Variants in UMAD1 observed in about 807,000 individuals in gnomAD.
UMAD1 encodes the protein UBAP1-MVB12-associated (UMA) domain containing 1.
Under a neutral mutation model 6.1 loss-of-function variants are expected in UMAD1, and 8 were observed. That is an observed-to-expected ratio of 1.30 (90% CI 0.76 to 2.35). The LOEUF (loss-of-function observed/expected upper bound fraction) is 2.35, where lower values mean the gene tolerates loss of function less well. UMAD1 is among the 30% of genes most tolerant of loss of function. The pLI is 0.00. For synonymous variants in UMAD1, 56 were observed against 31.4 expected, an observed-to-expected ratio of 1.78 and a Z score of -2.61; for missense variants, 130 against 78.4, an observed-to-expected ratio of 1.66 and a Z score of -2.49.
chr7:7,694,638 A>G (rs1780264320), intron 2 of UMAD1, among the ~76,000 whole-genome samples: 1 of 152,232 alleles, frequency 6.6e-6, no homozygotes, highest in Non-Finnish European at 1.5e-5. Context: ...GAATATGTGA[A>G]GTTTATCTCT....
intron 2 of UMAD1, among the ~76,000 whole-genome samples, chr7:7,683,404 C>G (rs1779960405): frequency 6.6e-6 from 1 of 152,102 alleles, no homozygotes; most frequent in African/African-American, 2.4e-5. Context: ...AGTTCACTCT[C>G]TAATAATTGT....
chr7:7,802,418 C>T (rs555322032), intron 3 of UMAD1, among the ~76,000 whole-genome samples: 1 of 151,822 alleles, frequency 6.6e-6, no homozygotes, highest in South Asian at 2.1e-4. Context: ...CGTTGCCTTA[C>T]TAGTTCCAGC....
chr7:7,875,710 C>G (rs558457082), intron 3 of UMAD1, among the ~76,000 whole-genome samples: 15 of 152,158 alleles, frequency 9.9e-5, no homozygotes, highest in Admixed American at 5.2e-4. Flanking sequence ...AGCCTGCCAA[C>G]CACAAAAAGC....
At chr7:7,847,095 AAAAAAAAAAATATATATATATAT>A (rs1563255469) in intron 3 of UMAD1, among the ~76,000 whole-genome samples, 3 of 47,156 alleles carry the variant, frequency 6.4e-5, no homozygotes, top group East Asian at 1.2e-3. Context: ...TGCAAAAAAA[AAAAAAAAAAATATATATATATAT>A]ATATATATAT....
intron 2 of UMAD1, among the ~76,000 whole-genome samples, chr7:7,794,978 G>C (rs754837226): frequency 2.6e-5 from 4 of 152,136 alleles, no homozygotes; most frequent in Non-Finnish European, 5.9e-5. Context: ...TTTACTTCTA[G>C]TCTTTAGACA....
At chr7:7,868,426 C>T (rs1484983714) in intron 3 of UMAD1, 2 of 152,042 alleles carry the variant, frequency 1.3e-5, no homozygotes, top group African/African-American at 4.8e-5. Context: ...TGCTTACTTC[C>T]CCTTCTGCAC....
At chr7:7,791,107 C>T (rs533077759) in intron 2 of UMAD1, among the ~76,000 whole-genome samples, 3 of 152,278 alleles carry the variant, frequency 2.0e-5, no homozygotes, top group South Asian at 2.1e-4. Flanking sequence ...AGGCTGGTCT[C>T]GAACTCCCCA....
At chr7:7,706,968 A>G (rs1039944516) in intron 2 of UMAD1, among the ~76,000 whole-genome samples, 2 of 152,160 alleles carry the variant, frequency 1.3e-5, no homozygotes, top group African/African-American at 4.8e-5. Context: ...CCAGGCTTAT[A>G]TTCTTGTCTC....
intron 3 of UMAD1, among the ~76,000 whole-genome samples, chr7:7,832,633 A>G (rs1783488633): frequency 6.6e-6 from 1 of 152,052 alleles, no homozygotes; most frequent in Non-Finnish European, 1.5e-5. Context: ...TAAGACAGCT[A>G]CTCTTTAACA....
At chr7:7,681,991 C>T (rs1412364798) in intron 2 of UMAD1, among the ~76,000 whole-genome samples, 1 of 152,002 alleles carries the variant, frequency 6.6e-6, no homozygotes, top group African/African-American at 2.4e-5. Context: ...TGAAAAGGAA[C>T]AATTTAGATA....
chr7:7,866,603 T>C (rs1441287287), intron 3 of UMAD1, among the ~76,000 whole-genome samples: 1 of 152,236 alleles, frequency 6.6e-6, no homozygotes, highest in Non-Finnish European at 1.5e-5. Context: ...TGAATCTACA[T>C]ACATGTCTAC....
At chr7:7,660,980 C>T (rs1469667525) in intron 1 of UMAD1, among the ~76,000 whole-genome samples, 1 of 147,770 alleles carries the variant, frequency 6.8e-6, no homozygotes, top group Non-Finnish European at 1.5e-5. Context: ...TCCCATATTT[C>T]TTGGAGGCTT....
intron 3 of UMAD1, among the ~76,000 whole-genome samples, chr7:7,806,199 G>A (rs1181293818): frequency 3.3e-5 from 5 of 151,252 alleles, no homozygotes; most frequent in Non-Finnish European, 7.4e-5. Flanking sequence ...ATTATTAGAT[G>A]AGCAGTTTCT....
chr7:7,741,599 T>A lies in UMAD1; in HGVS notation c.83-60071T>A, dbSNP rs1297468464. Among the ~76,000 whole-genome samples, 699 of 147,336 alleles carry A rather than the reference T, an allele frequency of 4.7e-3. 7 individuals carry two copies. Among genetic ancestry groups the A allele is most frequent in the African/African-American group, 0.015 (618 of 40,438 alleles). ...CTCAAAATAATAATAATAATAATAATAATAATAATAATAATAAAAATAATA... is the reference window on the plus strand; with the variant it reads ...CTCAAAATAATAATAATAATAATAAAAATAATAATAATAATAAAAATAATA... On this transcript the variant is annotated intron_variant, in intron 2 of 3. Coordinates refer to ENST00000682710, the MANE Select transcript of UMAD1 (RefSeq NM_001302348.2).
chr7:7,741,440 G>A (rs987446958), intron 2 of UMAD1, among the ~76,000 whole-genome samples: 31 of 151,860 alleles, frequency 2.0e-4, no homozygotes, highest in African/African-American at 6.0e-4. Flanking sequence ...GCGTGGTGGC[G>A]TGCGCCTGTA....
intron 2 of UMAD1, among the ~76,000 whole-genome samples, chr7:7,715,769 G>T (rs1195428193): frequency 6.6e-6 from 1 of 152,202 alleles, no homozygotes; most frequent in Non-Finnish European, 1.5e-5. Context: ...ATGTAAGAAA[G>T]AGTTTTGAGT....
At chr7:7,657,178 A>G (rs768805713) in intron 1 of UMAD1, among the ~76,000 whole-genome samples, 1 of 151,990 alleles carries the variant, frequency 6.6e-6, no homozygotes, top group Non-Finnish European at 1.5e-5. Context: ...TTTCTTGTAA[A>G]TTTGTTTAAA....
At chr7:7,816,768 T>G (rs531753242) in intron 3 of UMAD1, among the ~76,000 whole-genome samples, 1 of 152,314 alleles carries the variant, frequency 6.6e-6, no homozygotes, top group African/African-American at 2.4e-5. Context: ...CTGGCTACCT[T>G]GCTTATCTGT....
chr7:7,759,411 A>C (rs1781840744), intron 2 of UMAD1, among the ~76,000 whole-genome samples: 1 of 152,252 alleles, frequency 6.6e-6, no homozygotes, highest in Admixed American at 6.5e-5. Context: ...CAGAGGACTC[A>C]GGCCCTCTAC....
Sources: gnomAD v4.1 joint callset for allele counts (sites outside exome capture counted in the v4.1 genomes callset) on GRCh38, gnomAD v4.1.1 for gene constraint, MANE v1.5 for transcripts, NCBI Gene and HGNC (gene_info 2026-07-23, HGNC 2026-07-21) for gene names.